Variants in LRGUK observed in about 807,000 individuals in gnomAD.
LRGUK encodes the protein leucine rich repeats and guanylate kinase domain containing.
LRGUK carries 65 observed loss-of-function variants against 76.0 expected under a neutral mutation model. That is an observed-to-expected ratio of 0.85 (90% CI 0.70 to 1.05). The LOEUF is 1.05. Ranked by LOEUF, LRGUK falls within the 50% of genes least tolerant of loss-of-function variation. LRGUK has a pLI of 0.00. For synonymous variants in LRGUK, 268 were observed against 265.6 expected, an observed-to-expected ratio of 1.01 and a Z score of -0.09; for missense variants, 758 against 732.8, an observed-to-expected ratio of 1.03 and a Z score of -0.40.
At chr7:134,235,140 T>A (rs1441382664) in intron 16 of LRGUK, among the ~76,000 whole-genome samples, 3 of 152,248 alleles carry the variant, frequency 2.0e-5, no homozygotes, top group Non-Finnish European at 4.4e-5. Context: ...CAAACCTAGG[T>A]CAGATCATGA....
intron 12 of LRGUK, 27 bp from the exon 13 acceptor site, chr7:134,196,965 A>G: frequency 7.9e-7 from 1 of 1,265,100 alleles, no homozygotes. Context: ...CTGTTATATG[A>G]AAATCTTTGT....
In LRGUK at chr7:134,244,587, T is replaced by C. The variant is rs568362299; in HGVS notation, c.1984-2969T>C. On this transcript the variant is annotated intron_variant, in intron 16 of 19. Coordinates refer to the LRGUK transcript ENST00000285928. ...TGGAGAGGATGTGGAGAAATAGGAA[T>C]GCTTTTACACTGTTGGTGGGACTGT... Among the ~76,000 whole-genome samples, 677 of 152,208 alleles carry C rather than the reference T, an allele frequency of 4.4e-3. 5 individuals are homozygous for C. The highest frequency in any genetic ancestry group is 0.015 in the African/African-American group (636 of 41,544).
intron 16 of LRGUK, among the ~76,000 whole-genome samples, chr7:134,225,883 C>G (rs1801729281): frequency 6.6e-6 from 1 of 152,174 alleles, no homozygotes; most frequent in South Asian, 2.1e-4. Context: ...TTAGAGAACA[C>G]ACACTGCCTT....
chr7:134,201,598 G>C (rs1178257381), intron 15 of LRGUK, 22 bp downstream of exon 15: 3 of 1,570,952 alleles, frequency 1.9e-6, no homozygotes, highest in Middle Eastern at 1.7e-4. Flanking sequence ...TCATTTTTGT[G>C]CCAGGATTTT....
chr7:134,134,329 AAGCTGTCTGG>A (rs1797437930), intron 1 of LRGUK, among the ~76,000 whole-genome samples: 1 of 152,184 alleles, frequency 6.6e-6, no homozygotes, highest in South Asian at 2.1e-4. Context: ...CCGTGAAAGT[AAGCTGTCTGG>A]AGCTGCGGCA....
chr7:134,136,051 T>C (rs1797526198), intron 1 of LRGUK, among the ~76,000 whole-genome samples: 1 of 152,214 alleles, frequency 6.6e-6, no homozygotes, highest in South Asian at 2.1e-4. Flanking sequence ...ATAGAGGACT[T>C]AGAAAAAGGG....
intron 7 of LRGUK, among the ~76,000 whole-genome samples, 174 bp downstream of exon 7, chr7:134,163,714 A>G (rs1378141951): frequency 1.3e-5 from 2 of 152,244 alleles, no homozygotes; most frequent in African/African-American, 4.8e-5. Context: ...GTTTTTAAAA[A>G]TACTTACAAT....
intron 1 of LRGUK, among the ~76,000 whole-genome samples, chr7:134,129,646 T>C (rs1659180010): frequency 6.6e-6 from 1 of 151,030 alleles, no homozygotes; most frequent in African/African-American, 2.4e-5. Flanking sequence ...CTAGTTCTTG[T>C]AATTTTTGTA....
intron 18 of LRGUK, among the ~76,000 whole-genome samples, chr7:134,254,842 A>G (rs1392722724): frequency 1.3e-5 from 2 of 152,244 alleles, no homozygotes; most frequent in African/African-American, 4.8e-5. Flanking sequence ...ATGGACTATT[A>G]TGCAGCAATT....
intron 6 of LRGUK, among the ~76,000 whole-genome samples, chr7:134,162,367 CA>C (rs1798787011): frequency 6.6e-6 from 1 of 152,168 alleles, no homozygotes; most frequent in African/African-American, 2.4e-5. Flanking sequence ...AACCTCTCCA[CA>C]AGTTCTCTCC....
intron 7 of LRGUK, among the ~76,000 whole-genome samples, chr7:134,169,786 C>A (rs17167578): frequency 0.089 from 13,474 of 151,994 alleles, 917 homozygotes; most frequent in East Asian, 0.32. Flanking sequence ...GAGACATTTA[C>A]TTATTGAAAT....
chr7:134,145,736 C>A (rs1797942435), intron 4 of LRGUK, among the ~76,000 whole-genome samples: 1 of 152,204 alleles, frequency 6.6e-6, no homozygotes, highest in Non-Finnish European at 1.5e-5. Context: ...GGCTCATGTA[C>A]TATGCTCCGC....
At chr7:134,258,393 G>A in exon 19 of LRGUK, 1 of 1,613,870 alleles carries the variant, frequency 6.2e-7, no homozygotes, top group Non-Finnish European at 8.5e-7. Context: ...TGAGACCGAA[G>A]AGACCCGGAA....
chr7:134,147,009 T>C (rs1434294026), intron 4 of LRGUK, among the ~76,000 whole-genome samples: 1 of 152,202 alleles, frequency 6.6e-6, no homozygotes, highest in Non-Finnish European at 1.5e-5. Flanking sequence ...ATATTGTTTT[T>C]TAGTCTTACA....
intron 12 of LRGUK, among the ~76,000 whole-genome samples, chr7:134,193,092 C>T (rs1344997168): frequency 1.3e-5 from 2 of 152,204 alleles, no homozygotes; most frequent in African/African-American, 2.4e-5. Context: ...TTCTGGACTT[C>T]TCTTGTGTTT....
exon 18 of LRGUK, chr7:134,249,001 TAGA>T: frequency 6.2e-7 from 1 of 1,603,640 alleles, no homozygotes; most frequent in Non-Finnish European, 8.5e-7. Context: ...TATACAACTT[TAGA>T]AGAACTCTGG....
In LRGUK at chr7:134,202,609, A is replaced by T. The variant is rs76340817; in HGVS notation, c.1843+1033A>T. 0.013 allele frequency among the ~76,000 whole-genome samples: 1,933 copies of T among 152,306 alleles called. 84 individuals carry two copies. In the East Asian group the frequency reaches 0.15, roughly 12 times the overall value. ...AACCCATAAAATAGAATTTTATTTG[A>T]CCTTAAAAAAGGAAGGAAATTCTGG... On this transcript the variant is annotated intron_variant, in intron 15 of 15. Transcript: ENST00000645682.
chr7:134,212,785 C>G (rs563732744), downstream of LRGUK, among the ~76,000 whole-genome samples: 6 of 152,266 alleles, frequency 3.9e-5, no homozygotes, highest in African/African-American at 9.6e-5. Context: ...CTTCAAGAAG[C>G]TTTGTCTTTT....
At chr7:134,130,188 G>C (rs1797238513) in intron 1 of LRGUK, among the ~76,000 whole-genome samples, 1 of 151,906 alleles carries the variant, frequency 6.6e-6, no homozygotes, top group South Asian at 2.1e-4. Context: ...TACTTCTTTT[G>C]TCTTTTGTTG....
Sources: allele counts gnomAD v4.1 joint callset (sites outside exome capture counted in the v4.1 genomes callset), GRCh38; gene constraint gnomAD v4.1.1; transcripts MANE v1.5; gene names NCBI Gene and HGNC (gene_info 2026-07-23, HGNC 2026-07-21).